Variants in DLC1 observed in about 807,000 individuals in gnomAD.
DLC1 encodes the protein DLC1 Rho GTPase activating protein, also known as rho GTPase-activating protein 7.
In DLC1, 54 loss-of-function variants were observed where a neutral mutation model predicts 140.3. The ratio of observed to expected loss-of-function variants is 0.38; its 90% CI spans 0.31 to 0.48. DLC1 has a LOEUF of 0.48. Ranked by LOEUF, DLC1 falls within the 20% of genes least tolerant of loss-of-function variation. DLC1 has a pLI of 0.96. For missense variants in DLC1, 2,536 were observed against 1,907.0 expected, an observed-to-expected ratio of 1.33 and a Z score of -6.14; for synonymous variants, 986 against 728.1, an observed-to-expected ratio of 1.35 and a Z score of -5.70.
intron 2 of DLC1, among the ~76,000 whole-genome samples, chr8:13,476,523 A>G (rs941930971): frequency 6.6e-6 from 1 of 151,152 alleles, no homozygotes; most frequent in Non-Finnish European, 1.5e-5. Context: ...TTATCACCTA[A>G]CTCGGACATT....
chr8:13,220,817 G>A (rs959453170), intron 5 of DLC1, among the ~76,000 whole-genome samples: 5 of 152,174 alleles, frequency 3.3e-5, no homozygotes, highest in Admixed American at 2.0e-4. Context: ...AATATACGGA[G>A]TTTGAAATTA....
intron 2 of DLC1, among the ~76,000 whole-genome samples, chr8:13,468,633 C>T (rs1260055194): frequency 6.6e-6 from 1 of 151,832 alleles, no homozygotes; most frequent in Admixed American, 6.6e-5. Context: ...CCTCAGCCTC[C>T]CGAAGTGCTA....
intron 5 of DLC1, among the ~76,000 whole-genome samples, chr8:13,216,097 G>T (rs990243470): frequency 6.6e-6 from 1 of 152,150 alleles, no homozygotes; most frequent in South Asian, 2.1e-4. Flanking sequence ...TTGCTGTCCT[G>T]TTCCAGATGG....
chr8:13,429,595 A>C (rs529967696), intron 2 of DLC1, among the ~76,000 whole-genome samples: 18 of 152,326 alleles, frequency 1.2e-4, no homozygotes, highest in Middle Eastern at 3.4e-3. Flanking sequence ...TGAAAGCAAA[A>C]AAGGGAAAGT....
chr8:13,443,827 T>C (rs142622864), intron 2 of DLC1, among the ~76,000 whole-genome samples: 225 of 152,294 alleles, frequency 1.5e-3, no homozygotes, highest in African/African-American at 5.2e-3. Flanking sequence ...TGAATTTTTA[T>C]GGCATGTCTT....
chr8:13,173,883 T>G (rs1825624138), intron 5 of DLC1, among the ~76,000 whole-genome samples: 1 of 152,184 alleles, frequency 6.6e-6, no homozygotes, highest in African/African-American at 2.4e-5. Context: ...TATTTTAGAT[T>G]TGGGAGGTAC....
At chr8:13,225,795 T>C (rs1828771442) in intron 5 of DLC1, among the ~76,000 whole-genome samples, 1 of 152,006 alleles carries the variant, frequency 6.6e-6, no homozygotes. Flanking sequence ...TTTTGTATTT[T>C]TAGTAGAGAT....
intron 5 of DLC1, among the ~76,000 whole-genome samples, chr8:13,173,784 T>C (rs1225229098): frequency 5.9e-5 from 9 of 152,250 alleles, no homozygotes; most frequent in African/African-American, 2.2e-4. Flanking sequence ...GAATGAATTT[T>C]TGGATCTTTT....
At chr8:13,289,362 A>G (rs970363456) in intron 5 of DLC1, among the ~76,000 whole-genome samples, 4 of 151,370 alleles carry the variant, frequency 2.6e-5, no homozygotes, top group African/African-American at 9.7e-5. Flanking sequence ...GGTTAAATTA[A>G]TTTTTTTTTC....
intron 5 of DLC1, among the ~76,000 whole-genome samples, chr8:13,202,256 T>G (rs1827430219): frequency 6.6e-6 from 1 of 152,122 alleles, no homozygotes; most frequent in Non-Finnish European, 1.5e-5. Flanking sequence ...AATAGGGTAT[T>G]TTTAAATTTA....
intron 5 of DLC1, among the ~76,000 whole-genome samples, chr8:13,248,821 A>G (rs1829875594): frequency 6.6e-6 from 1 of 152,180 alleles, no homozygotes; most frequent in African/African-American, 2.4e-5. Flanking sequence ...ATCTTCAACC[A>G]GGAAAACCTC....
intron 1 of DLC1, among the ~76,000 whole-genome samples, chr8:13,586,609 A>G (rs1447083484): frequency 1.8e-4 from 27 of 151,772 alleles, no homozygotes; most frequent in African/African-American, 6.3e-4. Flanking sequence ...ACACACACAC[A>G]CACACACACA....
rs902474071 is a variant in DLC1, at chr8:13,167,561, T to C, written c.1349-51904A>G. ...TTGTGGCTCTTTGTGGCTTGATGGG[T>C]GACGCCTGAAATCAGAGTACAGATC... On this transcript the variant is annotated intron_variant, in intron 5 of 17. Transcript: ENST00000276297. Among the ~76,000 whole-genome samples the C allele has an allele frequency of 4.6e-5, 7 of 152,300 alleles. No individual in the cohort carries two copies. In the East Asian group the frequency reaches 1.2e-3, roughly 25 times the overall value.
In DLC1 at chr8:13,468,328, C is replaced by T. The variant is rs1467506339; in HGVS notation, c.1023+30721G>A. On this transcript the variant is annotated intron_variant, in intron 2 of 17. Coordinates refer to ENST00000276297, the MANE Select transcript of DLC1 (RefSeq NM_182643.3). ...TTTTCCTTTCTTTTCTCTCTCTTTC[C>T]CTTCCCCCCATTCCCCTCCCCTCCC... 1.2e-4 allele frequency among the ~76,000 whole-genome samples: 13 copies of T among 104,160 alleles called. No homozygotes were observed. The East Asian group carries it at 3.0e-3, about 24-fold the overall frequency. The allele number at this position is 104,160 out of a possible 152,430, so 68.3% of individuals were successfully genotyped here.
intron 5 of DLC1, among the ~76,000 whole-genome samples, chr8:13,179,846 G>A (rs1268837573): frequency 6.6e-6 from 1 of 152,110 alleles, no homozygotes; most frequent in East Asian, 1.9e-4. Context: ...ATAGTATTTG[G>A]GAATAAATCT....
chr8:13,511,113 C>T (rs888864463), intron 1 of DLC1, among the ~76,000 whole-genome samples: 1 of 152,110 alleles, frequency 6.6e-6, no homozygotes, highest in Admixed American at 6.5e-5. Context: ...AGTATCTAAA[C>T]CTGCTGTTTG....
At chr8:13,405,925 C>CTTTCTTTCTTTCTTTT (rs1837516416) in intron 2 of DLC1, among the ~76,000 whole-genome samples, 1 of 68,672 alleles carries the variant, frequency 1.5e-5, no homozygotes, top group African/African-American at 5.4e-5. Flanking sequence ...TCTTTTCTTT[C>CTTTCTTTCTTTCTTTT]TTTCTTTCTT....
At chr8:13,497,360 T>C (rs530417714) in intron 2 of DLC1, among the ~76,000 whole-genome samples, 4 of 152,336 alleles carry the variant, frequency 2.6e-5, no homozygotes, top group African/African-American at 9.6e-5. Flanking sequence ...ATTCCCAACC[T>C]AAAAGTTTTC....
At chr8:13,300,961 C>T (rs1318054659) in intron 5 of DLC1, among the ~76,000 whole-genome samples, 1 of 152,030 alleles carries the variant, frequency 6.6e-6, no homozygotes, top group Middle Eastern at 3.2e-3. Context: ...AAGCAGTGGC[C>T]AGAGGAATGG....
Sources: allele counts gnomAD v4.1 joint callset (sites outside exome capture counted in the v4.1 genomes callset), GRCh38; gene constraint gnomAD v4.1.1; transcripts MANE v1.5; gene names NCBI Gene and HGNC (gene_info 2026-07-23, HGNC 2026-07-21).